Variants in NUDT3 observed in about 807,000 individuals in gnomAD.
The protein encoded by NUDT3 is diphosphoinositol polyphosphate phosphohydrolase 1.
A neutral mutation model predicts 23.6 loss-of-function variants in NUDT3; 9 were observed. The observed-to-expected ratio is 0.38, with a 90% confidence interval of 0.23 to 0.66. The LOEUF (loss-of-function observed/expected upper bound fraction) is 0.66. Among genes scored for constraint, NUDT3 ranks in the 30% least tolerant of loss-of-function variants. The pLI is 0.52. For synonymous variants in NUDT3, 86 were observed against 82.6 expected, an observed-to-expected ratio of 1.04 and a Z score of -0.22; for missense variants, 172 against 218.5, an observed-to-expected ratio of 0.79 and a Z score of 1.34.
At chr6:34,358,607 TA>T (rs1277927334) in intron 1 of NUDT3, among the ~76,000 whole-genome samples, 1 of 152,096 alleles carries the variant, frequency 6.6e-6, no homozygotes, top group Non-Finnish European at 1.5e-5. Context: ...TTTTTTAAAG[TA>T]AAAAAGAAAT....
chr6:34,322,520 C>T (rs1329656872), intron 2 of NUDT3, among the ~76,000 whole-genome samples: 8 of 152,150 alleles, frequency 5.3e-5, no homozygotes, highest in African/African-American at 1.9e-4. Flanking sequence ...TGAGCCACTG[C>T]GCCCGGTCAC....
At position 34,295,567 on chromosome 6, in the gene NUDT3, G is replaced by A. The variant is rs946410488; in HGVS notation, c.255+74C>T. 5 of 1,466,816 alleles carry A rather than the reference G, an allele frequency of 3.4e-6. No individual in the cohort carries two copies. The Admixed American group carries it at 1.1e-4, about 32-fold the overall frequency. 90.9% of individuals were successfully genotyped at this position (1,466,816 alleles called of 1,614,324 possible). ...AAAAAAAACTCGCTGAAACAGAAAT[G>A]GCATTTTTCCTATGTTAATATCTGT... On this transcript the variant is annotated intron_variant, in intron 3 of 4. Coordinates refer to ENST00000607016, the MANE Select transcript of NUDT3 (RefSeq NM_006703.4).
chr6:34,380,920 A>G (rs1228137295), intron 1 of NUDT3, among the ~76,000 whole-genome samples: 3 of 152,194 alleles, frequency 2.0e-5, no homozygotes, highest in African/African-American at 7.2e-5. Flanking sequence ...CCTGCTCCAT[A>G]AAGTCATCCC....
intron 2 of NUDT3, among the ~76,000 whole-genome samples, chr6:34,299,599 A>C (rs1294793048): frequency 7.7e-6 from 1 of 129,750 alleles, no homozygotes; most frequent in Non-Finnish European, 1.6e-5. Context: ...TATTTTCTTG[A>C]ATTTTTTTTT....
intron 2 of NUDT3, among the ~76,000 whole-genome samples, chr6:34,331,683 C>A (rs1300800849): frequency 6.6e-6 from 1 of 152,214 alleles, no homozygotes; most frequent in African/African-American, 2.4e-5. Context: ...CGTATTTGTG[C>A]ACTACACGTC....
chr6:34,280,293 A>C lies in NUDT3; in HGVS notation c.*8460T>G, dbSNP rs570336591. On this transcript the variant is annotated 3_prime_UTR_variant, in exon 5 of 5. Transcript: ENST00000607016. ...AGGCCAGCCCTGAGCGGGCAAGAAG[A>C]AAAGCTTGAACTTTCCATGCAGTAC... 97 of 152,438 alleles carry C rather than the reference A, an allele frequency of 6.4e-4. No individual in the cohort carries two copies. Among genetic ancestry groups the C allele is most frequent in the African/African-American group, 2.2e-3 (92 of 41,600 alleles). The allele number at this position is 152,438 out of a possible 1,614,324, so 9.4% of individuals were successfully genotyped here. A position where few individuals can be genotyped will look rare whatever the true frequency, so the allele number is the denominator to read the frequency against.
intron 1 of NUDT3, among the ~76,000 whole-genome samples, chr6:34,343,375 C>T (rs1408793676): frequency 6.8e-5 from 10 of 147,666 alleles, no homozygotes; most frequent in Middle Eastern, 6.9e-3. Context: ...CATGATGAGA[C>T]CTCGTCTCTA....
intron 2 of NUDT3, among the ~76,000 whole-genome samples, chr6:34,301,355 T>C (rs546454506): frequency 6.6e-6 from 1 of 152,360 alleles, no homozygotes; most frequent in East Asian, 1.9e-4. Flanking sequence ...ATTCTGCAGC[T>C]CTTCCCATCA....
chr6:34,352,260 G>A (rs933987690), intron 1 of NUDT3, among the ~76,000 whole-genome samples: 1 of 152,020 alleles, frequency 6.6e-6, no homozygotes, highest in African/African-American at 2.4e-5. Flanking sequence ...AACTTCCCGG[G>A]CTCAAGCAAT....
rs1763362263 is a variant in NUDT3, at chr6:34,288,233, C to T, written c.*520G>A. ...TAAACAAATTTCTCTTTCTAGAAGT[C>T]ATTTATTTACATATTATATGTCCGA... is the stretch of plus-strand genomic sequence containing the variant. On this transcript the variant is annotated 3_prime_UTR_variant, in exon 5 of 5. Coordinates refer to ENST00000607016, the MANE Select transcript of NUDT3 (RefSeq NM_006703.4). The T allele has an allele frequency of 1.3e-5, 2 of 152,168 alleles. No individual in the cohort carries two copies. Among genetic ancestry groups the T allele is most frequent in the Admixed American group, 1.3e-4 (2 of 15,282 alleles). 9.4% of individuals were successfully genotyped at this position (152,168 alleles called of 1,614,324 possible).
chr6:34,353,424 T>C (rs767105336), intron 1 of NUDT3, among the ~76,000 whole-genome samples: 48 of 149,456 alleles, frequency 3.2e-4, no homozygotes, highest in Non-Finnish European at 6.4e-4. Flanking sequence ...TACTTACCTA[T>C]ACACAACTCC....
chr6:34,291,925 G>T lies in NUDT3; in HGVS notation c.340+1526C>A, dbSNP rs138246246. Reference sequence around the variant, plus strand: ...TTAAGATGCAAATTTTAACCAGTAAGAATAATGGTAGTAAGATCATCTGAA... The same window carrying T: ...TTAAGATGCAAATTTTAACCAGTAATAATAATGGTAGTAAGATCATCTGAA... On this transcript the variant is annotated intron_variant, in intron 4 of 4. Transcript: ENST00000607016. 5.7e-3 allele frequency among the ~76,000 whole-genome samples: 866 copies of T among 152,286 alleles called. 8 individuals carry two copies. The highest frequency in any genetic ancestry group is 8.8e-3 in the Non-Finnish European group (597 of 68,020).
At chr6:34,302,850 T>C (rs1383303902) in intron 2 of NUDT3, among the ~76,000 whole-genome samples, 1 of 152,372 alleles carries the variant, frequency 6.6e-6, no homozygotes, top group Non-Finnish European at 1.5e-5. Context: ...TGTAATTTAT[T>C]TCCAAATAGC....
At chr6:34,366,612 C>T (rs1764739293) in intron 1 of NUDT3, among the ~76,000 whole-genome samples, 1 of 151,770 alleles carries the variant, frequency 6.6e-6, no homozygotes, top group South Asian at 2.1e-4. Context: ...GGCTGGAGTA[C>T]AGTGGCATGA....
chr6:34,346,690 ATAGCTCTCCTCG>A, intron 1 of NUDT3, among the ~76,000 whole-genome samples: 1 of 152,204 alleles, frequency 6.6e-6, no homozygotes, highest in East Asian at 1.9e-4. Flanking sequence ...TTACTGGTAA[ATAGCTCTCCTCG>A]GTAAGTTTCC....
At chr6:34,343,802 G>A (rs1355596703) in intron 1 of NUDT3, among the ~76,000 whole-genome samples, 1 of 152,084 alleles carries the variant, frequency 6.6e-6, no homozygotes, top group African/African-American at 2.4e-5. Context: ...AATGTGAAAA[G>A]ACAACCTACA....
chr6:34,376,404 G>C (rs1434896512), intron 1 of NUDT3, among the ~76,000 whole-genome samples: 1 of 152,048 alleles, frequency 6.6e-6, no homozygotes. Flanking sequence ...TCAGCCTCCT[G>C]AGTAACTGGG....
intron 2 of NUDT3, among the ~76,000 whole-genome samples, chr6:34,329,044 C>G (rs1209590642): frequency 6.6e-6 from 1 of 152,068 alleles, no homozygotes; most frequent in East Asian, 1.9e-4. Context: ...AACTAAAAAA[C>G]TGGTGACAAT....
intron 2 of NUDT3, among the ~76,000 whole-genome samples, chr6:34,320,372 G>A (rs150102781): frequency 0.012 from 1,837 of 152,116 alleles, 35 homozygotes; most frequent in African/African-American, 0.042. Context: ...GATTACTGGC[G>A]CCTGCCACCA....
Sources: gnomAD v4.1 joint callset for allele counts (sites outside exome capture counted in the v4.1 genomes callset) on GRCh38, gnomAD v4.1.1 for gene constraint, MANE v1.5 for transcripts, NCBI Gene and HGNC (gene_info 2026-07-23, HGNC 2026-07-21) for gene names.